SRGAP3: variants seen among roughly 807,000 people sequenced by gnomAD.
The protein encoded by SRGAP3 is SLIT-ROBO Rho GTPase activating protein 3, also known as SLIT-ROBO Rho GTPase-activating protein 3.
In SRGAP3, 39 loss-of-function variants were observed where a neutral mutation model predicts 121.1. The ratio of observed to expected loss-of-function variants is 0.32; its 90% confidence interval spans 0.25 to 0.42. SRGAP3 has a LOEUF of 0.42. SRGAP3 is among the 10% of genes least tolerant of loss of function. The probability of loss-of-function intolerance (pLI) is 1.00; values close to 1 mark genes in which losing one functional copy is unlikely to be tolerated. For missense variants in SRGAP3, 1,213 were observed against 1,470.6 expected (o/e 0.82, Z 2.86); for synonymous variants, 601 against 570.0 (o/e 1.05, Z -0.77).
chr3:9,154,805 C>G (rs1053003762), intron 1 of SRGAP3, among the ~76,000 whole-genome samples: 3 of 152,008 alleles, frequency 2.0e-5, no homozygotes, highest in Non-Finnish European at 2.9e-5. Context: ...TCTAGAAACA[C>G]CAAACTTCCT....
chr3:8,993,282 ACCT>A (rs1322922586), intron 19 of SRGAP3, among the ~76,000 whole-genome samples: 1 of 151,764 alleles, frequency 6.6e-6, no homozygotes, highest in Non-Finnish European at 1.5e-5. Flanking sequence ...TCCCACACCT[ACCT>A]CCTCCTTTTT....
intron 21 of SRGAP3, among the ~76,000 whole-genome samples, chr3:8,988,118 G>C (rs903619159): frequency 1.3e-5 from 2 of 152,146 alleles, no homozygotes; most frequent in African/African-American, 2.4e-5. Context: ...TAGTCCGAGA[G>C]GTGGCGCTGT....
At chr3:9,012,537 G>C (rs1943427378) in intron 17 of SRGAP3, among the ~76,000 whole-genome samples, 1 of 152,180 alleles carries the variant, frequency 6.6e-6, no homozygotes, top group African/African-American at 2.4e-5. Flanking sequence ...GTAGTACCAG[G>C]TATACCAGGC....
chr3:9,179,193 C>A (rs749178081), intron 1 of SRGAP3, among the ~76,000 whole-genome samples: 2 of 152,192 alleles, frequency 1.3e-5, no homozygotes, highest in African/African-American at 2.4e-5. Context: ...CTCCTGCCAG[C>A]GTATCCCCTT....
chr3:9,010,033 G>C (rs1471490244), intron 18 of SRGAP3, among the ~76,000 whole-genome samples: 1 of 152,176 alleles, frequency 6.6e-6, no homozygotes, highest in African/African-American at 2.4e-5. Flanking sequence ...ATTTGTACCT[G>C]GGCCAGGCAG....
chr3:9,282,467 GT>G (rs1234068514), intron 3 of SRGAP3, among the ~76,000 whole-genome samples: 1 of 151,368 alleles, frequency 6.6e-6, no homozygotes, highest in African/African-American at 2.5e-5. Flanking sequence ...CATTCAAGCT[GT>G]TATGATATAT....
intron 1 of SRGAP3, among the ~76,000 whole-genome samples, chr3:9,145,570 G>A (rs887803784): frequency 6.6e-6 from 1 of 152,100 alleles, no homozygotes; most frequent in Non-Finnish European, 1.5e-5. Flanking sequence ...ACATTTATTA[G>A]CATCTGCCAG....
chr3:9,323,780 G>A (rs1337501767), intron 3 of SRGAP3, among the ~76,000 whole-genome samples: 1 of 139,558 alleles, frequency 7.2e-6, no homozygotes, highest in South Asian at 2.4e-4. Context: ...ACACACAAAT[G>A]TCTCTCCCTG....
chr3:9,095,043 TG>T (rs1390201567), intron 3 of SRGAP3, among the ~76,000 whole-genome samples: 3 of 152,150 alleles, frequency 2.0e-5, no homozygotes, highest in African/African-American at 4.8e-5. Context: ...ATTACAGGTG[TG>T]AGCCGCACCT....
At chr3:9,200,997 G>C (rs1952051228) in intron 1 of SRGAP3, among the ~76,000 whole-genome samples, 1 of 152,212 alleles carries the variant, frequency 6.6e-6, no homozygotes, top group Admixed American at 6.5e-5. Flanking sequence ...CCCTGGAGCA[G>C]AGGAGGGTCA....
In SRGAP3 at chr3:8,990,518, C is replaced by G. The variant is rs922136801; in HGVS notation, c.2880G>C (p.Leu960=). 2.6e-6 allele frequency: 4 copies of G among 1,555,298 alleles called. No individual in the cohort carries two copies. Among genetic ancestry groups the G allele is most frequent in the Non-Finnish European group, 3.5e-6 (4 of 1,149,594 alleles). ...GDHKSLEAEA[L]AEDIEKTMST... is the part of the protein sequence containing the mutation. ...CCTTCCCGCTGGCCCTTACTTCTGCCAGGGCCTCGGCCTCCAGGGACTTGT... is the reference window on the plus strand; with the variant it reads ...CCTTCCCGCTGGCCCTTACTTCTGCGAGGGCCTCGGCCTCCAGGGACTTGT... Residue 960 remains leucine (L), a synonymous_variant, in exon 21 of 22, where the codon CTG becomes CTC. Transcript: ENST00000383836.
In SRGAP3 at chr3:9,225,573, T is replaced by C. The variant is rs181900479; in HGVS notation, c.67+23312A>G. On this transcript the variant is annotated intron_variant, in intron 1 of 21. Transcript: ENST00000383836. ...CACAGGTACTTTTTAAAAGCAGCTA[T>C]AAAAGCATTTCTGCTCCCACTCCCT... is the stretch of plus-strand genomic sequence containing the variant. Among the ~76,000 whole-genome samples, 837 of 152,290 alleles carry C rather than the reference T, an allele frequency of 5.5e-3. 3 individuals are homozygous for C. Among genetic ancestry groups the C allele is most frequent in the Admixed American group, 9.9e-3 (151 of 15,298 alleles).
intron 1 of SRGAP3, among the ~76,000 whole-genome samples, chr3:9,126,003 T>C (rs1575112185): frequency 6.6e-6 from 1 of 152,290 alleles, no homozygotes; most frequent in East Asian, 1.9e-4. Context: ...GTGTGCCCCG[T>C]CTGAAATGGT....
chr3:9,086,398 C>A (rs1457711747), intron 3 of SRGAP3, among the ~76,000 whole-genome samples: 1 of 151,406 alleles, frequency 6.6e-6, no homozygotes, highest in Non-Finnish European at 1.5e-5. Flanking sequence ...TGGTGGCACA[C>A]ACCTGTAGTC....
At chr3:9,242,721 G>A (rs565876609) in intron 1 of SRGAP3, among the ~76,000 whole-genome samples, 35 of 152,262 alleles carry the variant, frequency 2.3e-4, no homozygotes, top group African/African-American at 7.9e-4. Context: ...GCCTCATTCT[G>A]TCACCCAAGC....
chr3:9,352,271 AT>A (rs34692815), intron 1 of SRGAP3, among the ~76,000 whole-genome samples: 15,674 of 123,374 alleles, frequency 0.13, 824 homozygotes, highest in African/African-American at 0.29. Flanking sequence ...TGTTATGGAC[AT>A]TTTTTTTTTT....
At chr3:9,217,559 G>C (rs1036715705) in intron 1 of SRGAP3, 3 of 152,262 alleles carry the variant, frequency 2.0e-5, no homozygotes, top group African/African-American at 7.2e-5. Flanking sequence ...GCAGGGAGAA[G>C]AACTACCTCA....
At chr3:9,280,523 T>C (rs1954656917) in intron 3 of SRGAP3, among the ~76,000 whole-genome samples, 1 of 152,238 alleles carries the variant, frequency 6.6e-6, no homozygotes, top group Admixed American at 6.5e-5. Context: ...CCGTCATAAA[T>C]AACCAGCTGC....
At chr3:9,019,786 G>C (rs947928663) in intron 14 of SRGAP3, among the ~76,000 whole-genome samples, 1 of 152,218 alleles carries the variant, frequency 6.6e-6, no homozygotes, top group African/African-American at 2.4e-5. Context: ...GTTCCCATCT[G>C]TTCTCTTGGC....
Sources: allele counts gnomAD v4.1 joint callset (sites outside exome capture counted in the v4.1 genomes callset), GRCh38; gene constraint gnomAD v4.1.1; transcripts MANE v1.5; gene names NCBI Gene and HGNC (gene_info 2026-07-23, HGNC 2026-07-21).